The following OC90 variants were observed in gnomAD, a reference collection of about 807,000 sequenced individuals.
OC90 encodes otoconin-90.
Under a neutral mutation model 47.3 loss-of-function variants are expected in OC90, and 46 were observed. That is an observed-to-expected ratio of 0.97 (90% confidence interval 0.77 to 1.24). OC90 has a LOEUF of 1.24. Among genes scored for constraint, OC90 ranks in the 50% most tolerant of loss-of-function variants. The pLI, the probability that OC90 is intolerant of heterozygous loss-of-function variation, is 0.00. For synonymous variants in OC90, 271 were observed against 219.5 expected (o/e 1.23, Z -2.07); for missense variants, 688 against 583.9 (o/e 1.18, Z -1.84).
intron 2 of OC90, among the ~76,000 whole-genome samples, chr8:132,046,127 G>T (rs975637669): frequency 1.3e-5 from 2 of 152,158 alleles, no homozygotes; most frequent in African/African-American, 4.8e-5. Context: ...TCTGGTTGGG[G>T]ATGGAGAGGT....
chr8:132,045,890 A>G lies in OC90; in HGVS notation c.47-7T>C. 1 of 1,522,054 alleles carries G rather than the reference A, an allele frequency of 6.6e-7. No individual in the cohort carries two copies. The highest frequency in any genetic ancestry group is 1.2e-5 in the South Asian group (1 of 83,422). The allele number at this position is 1,522,054 out of a possible 1,614,324, so 94.3% of individuals were successfully genotyped here. A position where few individuals can be genotyped will look rare whatever the true frequency, so the allele number is the denominator to read the frequency against. ...GTGTCCAGAGGATGGCCTCCTATAA[A>G]TAAGGAAGAGAAAGTAGGGTAAGCA... On this transcript the variant is annotated splice_region_variant and splice_polypyrimidine_tract_variant and intron_variant, in intron 2 of 13. Coordinates refer to ENST00000254627, the MANE Select transcript of OC90 (RefSeq NM_001080399.3).
intron 13 of OC90, among the ~76,000 whole-genome samples, chr8:132,026,910 T>C (rs7840213): frequency 0.74 from 112,110 of 152,106 alleles, 41,512 homozygotes; most frequent in East Asian, 0.77. Flanking sequence ...GCACTACAAC[T>C]GGGCCTCCCA....
intron 2 of OC90, among the ~76,000 whole-genome samples, chr8:132,054,239 C>T (rs576393663): frequency 1.5e-3 from 226 of 152,298 alleles, no homozygotes; most frequent in Non-Finnish European, 2.5e-3. Context: ...AGGACTCCTC[C>T]GGCTCCTCTT....
chr8:132,051,217 T>C (rs898548930), intron 2 of OC90, among the ~76,000 whole-genome samples: 12 of 152,296 alleles, frequency 7.9e-5, no homozygotes, highest in Admixed American at 7.8e-4. Flanking sequence ...CCCAGCCAAG[T>C]ACTCTCACTG....
In OC90 at chr8:132,039,152, G is replaced by T. The variant is rs1288750562; in HGVS notation, c.458-29C>A. 3 of 1,573,776 alleles carry T rather than the reference G, an allele frequency of 1.9e-6. No homozygotes were observed. In the African/African-American group the frequency reaches 4.1e-5, roughly 21 times the overall value. ...CACACAGCAAGAGCATAGCCAATTG[G>T]AAAGATCTCAGCTGGAATCCCAAGA... On this transcript the variant is annotated intron_variant, in intron 6 of 13. Transcript: ENST00000254627.
intron 13 of OC90, among the ~76,000 whole-genome samples, chr8:132,027,461 AT>A (rs1179118340): frequency 1.3e-5 from 2 of 152,342 alleles, no homozygotes; most frequent in African/African-American, 4.8e-5. Context: ...AGAAGAAGGG[AT>A]GGAAGGTCCA....
At chr8:132,050,743 G>A (rs956920527) in intron 2 of OC90, among the ~76,000 whole-genome samples, 1 of 152,174 alleles carries the variant, frequency 6.6e-6, no homozygotes, top group Non-Finnish European at 1.5e-5. Context: ...GCCCACAACT[G>A]TAATCCCAGC....
chr8:132,053,221 A>T (rs1823239933), intron 2 of OC90, among the ~76,000 whole-genome samples: 1 of 152,178 alleles, frequency 6.6e-6, no homozygotes, highest in Non-Finnish European at 1.5e-5. Flanking sequence ...TGTTGCAGAC[A>T]TCCTTCTCTC....
intron 4 of OC90, 147 bp downstream of exon 4, chr8:132,044,286 G>C: frequency 1.6e-6 from 1 of 621,398 alleles, no homozygotes; most frequent in East Asian, 2.7e-5. Context: ...CACTACTCTC[G>C]TCGGAACTTG....
chr8:132,029,217 T>G, intron 12 of OC90, 38 bp from the exon 13 acceptor site: 9 of 1,528,830 alleles, frequency 5.9e-6, no homozygotes, highest in Non-Finnish European at 8.2e-6. Flanking sequence ...TCAGAGCTCC[T>G]GGCTTCCCTA....
chr8:132,049,674 C>T (rs906174169), intron 2 of OC90: 2 of 366,786 alleles, frequency 5.5e-6, no homozygotes, highest in South Asian at 2.2e-5. Flanking sequence ...CCTGACATAC[C>T]TGAGGACTGA....
intron 12 of OC90, 101 bp from the exon 13 acceptor site, chr8:132,029,280 G>A: frequency 3.4e-6 from 3 of 872,256 alleles, no homozygotes. Context: ...AGTAGTGAGG[G>A]AAGCCAGTGC....
At chr8:132,041,268 A>C in intron 5 of OC90, 112 bp from the exon 6 acceptor site, 2 of 726,480 alleles carry the variant, frequency 2.8e-6, no homozygotes, top group Non-Finnish European at 2.4e-6. Flanking sequence ...GGTCTATTTT[A>C]AATATTCAGT....
rs1261588213 is a variant in OC90 at position 132,055,057 on chromosome 8, G to A, written c.-31C>T. ...GAGAACAAAGGATGGGGCTTAGGCA[G>A]CAACTGGAACGGACTCCTGGGAGAG... On this transcript the variant is annotated 5_prime_UTR_variant, in exon 2 of 14. Coordinates refer to ENST00000254627, the MANE Select transcript of OC90 (RefSeq NM_001080399.3). 1.4e-5 allele frequency: 21 copies of A among 1,543,596 alleles called. 1 individual carries two copies. The highest frequency in any genetic ancestry group is 3.3e-4 in the Middle Eastern group (2 of 5,994).
chr8:132,025,072 C>T (rs946898426), intron 13 of OC90, among the ~76,000 whole-genome samples: 3 of 152,268 alleles, frequency 2.0e-5, no homozygotes, highest in African/African-American at 7.2e-5. Context: ...TTCCTGTGGG[C>T]TCCCATGGAA....
At chr8:132,024,919 A>G in intron 13 of OC90, 143 bp from the exon 14 acceptor site, 1 of 651,480 alleles carries the variant, frequency 1.5e-6, no homozygotes, top group Non-Finnish European at 2.5e-6. Context: ...TATGGCTGGT[A>G]ATTTTCCAAC....
At chr8:132,054,503 C>T (rs139134207) in intron 2 of OC90, among the ~76,000 whole-genome samples, 67 of 152,302 alleles carry the variant, frequency 4.4e-4, no homozygotes, top group Non-Finnish European at 2.5e-4. Context: ...ACCTTCCCTG[C>T]TACAGTGTCT....
chr8:132,048,018 G>T (rs189948232), intron 2 of OC90, among the ~76,000 whole-genome samples: 1 of 152,132 alleles, frequency 6.6e-6, no homozygotes, highest in African/African-American at 2.4e-5. Context: ...TTGCCCTTCC[G>T]CACTTCTTTC....
chr8:132,040,333 G>C (rs1823034377), intron 6 of OC90, among the ~76,000 whole-genome samples: 1 of 152,214 alleles, frequency 6.6e-6, no homozygotes, highest in Admixed American at 6.5e-5. Flanking sequence ...CAGAGTTTCT[G>C]TGTATAAGCC....
Sources: gnomAD v4.1 joint callset for allele counts (sites outside exome capture counted in the v4.1 genomes callset) on GRCh38, gnomAD v4.1.1 for gene constraint, MANE v1.5 for transcripts, NCBI Gene and HGNC (gene_info 2026-07-23, HGNC 2026-07-21) for gene names.